Variants in MLIP observed in about 807,000 individuals in gnomAD.
The protein encoded by MLIP is muscular LMNA interacting protein.
A neutral mutation model predicts 84.8 loss-of-function variants in MLIP; 79 were observed. The ratio of observed to expected loss-of-function variants is 0.93; its 90% confidence interval spans 0.78 to 1.12. MLIP has a LOEUF of 1.12. MLIP is among the 50% of genes most tolerant of loss of function. The pLI is 0.00. For missense variants in MLIP, 1,257 were observed against 1,160.6 expected (o/e 1.08, Z -1.21); for synonymous variants, 504 against 463.0 (o/e 1.09, Z -1.14).
chr6:54,264,527 G>A (rs1170711291), intron 13 of MLIP, among the ~76,000 whole-genome samples: 1 of 152,070 alleles, frequency 6.6e-6, no homozygotes, highest in Non-Finnish European at 1.5e-5. Flanking sequence ...TCAAATGATC[G>A]TGAAGGTCTG....
chr6:54,211,393 G>T (rs1334286312), intron 11 of MLIP, among the ~76,000 whole-genome samples: 1 of 152,084 alleles, frequency 6.6e-6, no homozygotes, highest in African/African-American at 2.4e-5. Context: ...GCATGCGGTT[G>T]AAGACTGGCC....
chr6:54,048,796 G>A (rs1765217126), intron 1 of MLIP, among the ~76,000 whole-genome samples: 1 of 152,142 alleles, frequency 6.6e-6, no homozygotes, highest in African/African-American at 2.4e-5. Flanking sequence ...GTGATGGAAA[G>A]TGTAGAATGG....
intron 9 of MLIP, 55 bp from the exon 10 acceptor site, chr6:54,189,815 C>T (rs1777738388): frequency 7.7e-7 from 1 of 1,306,508 alleles, no homozygotes; most frequent in South Asian, 1.2e-5. Context: ...TAAACACATA[C>T]ATATTTTAAT....
At chr6:54,258,203 A>G (rs1051039837) in intron 13 of MLIP, among the ~76,000 whole-genome samples, 3 of 152,074 alleles carry the variant, frequency 2.0e-5, no homozygotes, top group Non-Finnish European at 4.4e-5. Flanking sequence ...TGCAGCCTCC[A>G]AGTTTAGGAA....
chr6:54,032,009 C>T (rs181168778), intron 1 of MLIP, among the ~76,000 whole-genome samples: 11 of 152,232 alleles, frequency 7.2e-5, no homozygotes, highest in Admixed American at 5.2e-4. Context: ...AGTCTCCCGT[C>T]ACTTAGCCAA....
intron 12 of MLIP, among the ~76,000 whole-genome samples, chr6:54,247,720 A>G (rs895495647): frequency 1.3e-5 from 2 of 152,114 alleles, no homozygotes; most frequent in African/African-American, 4.8e-5. Flanking sequence ...TCTGTTACCT[A>G]TAGACATACA....
chr6:54,026,332 T>C (rs1763802440), intron 1 of MLIP, among the ~76,000 whole-genome samples: 1 of 152,182 alleles, frequency 6.6e-6, no homozygotes, highest in East Asian at 1.9e-4. Context: ...AGGTGAAGTA[T>C]AGTAGTAAAT....
At chr6:54,050,995 C>A (rs185321775) in intron 1 of MLIP, among the ~76,000 whole-genome samples, 13 of 152,252 alleles carry the variant, frequency 8.5e-5, no homozygotes, top group African/African-American at 3.1e-4. Context: ...GTTTCCAATG[C>A]AGGCTTTTGA....
Position 54,229,079 on chromosome 6 carries a change from C to T in MLIP, c.2719-1635C>T, listed in dbSNP as rs1195863273. 2.6e-5 allele frequency among the ~76,000 whole-genome samples: 4 copies of T among 152,018 alleles called. No homozygotes were observed. In the East Asian group the frequency reaches 7.7e-4, roughly 29 times the overall value. The stretch of plus-strand genomic sequence containing the variant: ...AGAGGCATTAACCAATGAAATTAGA[C>T]AAATGGAAGAAATGAAAAGTATCAT... On this transcript the variant is annotated intron_variant, in intron 11 of 13. Transcript: ENST00000502396.
intron 1 of MLIP, among the ~76,000 whole-genome samples, chr6:54,038,111 C>T (rs1764546279): frequency 6.6e-6 from 1 of 151,810 alleles, no homozygotes; most frequent in Admixed American, 6.6e-5. Context: ...ATAAAAAGAT[C>T]CTGAGTAAGG....
chr6:54,094,177 T>G lies in MLIP; in HGVS notation c.64-27270T>G, dbSNP rs9474734. ...TTTTATTTAGCTACCAGCTTTGAAT[T>G]CTTTTATCTTATTGTAGAAGCCACT... On this transcript the variant is annotated intron_variant, in intron 1 of 12. Coordinates refer to the MLIP transcript ENST00000274897. 3.8e-3 allele frequency among the ~76,000 whole-genome samples: 581 copies of G among 152,262 alleles called. 7 individuals are homozygous for G. Among genetic ancestry groups the G allele is most frequent in the African/African-American group, 0.013 (533 of 41,554 alleles).
intron 1 of MLIP, among the ~76,000 whole-genome samples, chr6:54,027,390 C>T (rs1454406773): frequency 1.9e-5 from 2 of 105,508 alleles, no homozygotes; most frequent in South Asian, 7.3e-4. Context: ...CACACACACA[C>T]ACACACACAC....
chr6:54,048,914 C>G (rs919427727), intron 1 of MLIP, among the ~76,000 whole-genome samples: 1 of 152,088 alleles, frequency 6.6e-6, no homozygotes, highest in Non-Finnish European at 1.5e-5. Flanking sequence ...AATTAGGACT[C>G]AGTACTCAAG....
chr6:54,120,744 C>A (rs1770381014), intron 1 of MLIP, among the ~76,000 whole-genome samples: 1 of 152,036 alleles, frequency 6.6e-6, no homozygotes, highest in Non-Finnish European at 1.5e-5. Context: ...CAGGTACTAC[C>A]TATTATGAAG....
At chr6:54,169,984 C>T (rs1775609905) in intron 9 of MLIP, among the ~76,000 whole-genome samples, 1 of 151,634 alleles carries the variant, frequency 6.6e-6, no homozygotes, top group Non-Finnish European at 1.5e-5. Flanking sequence ...TTGTTGCTTT[C>T]CTTCATTTAA....
chr6:54,242,374 G>A (rs1004037493), intron 12 of MLIP, among the ~76,000 whole-genome samples: 3 of 152,096 alleles, frequency 2.0e-5, no homozygotes, highest in African/African-American at 7.2e-5. Context: ...ACGTTATTGA[G>A]AGCATGTAAA....
At chr6:54,031,993 A>G (rs1453672636) in intron 1 of MLIP, among the ~76,000 whole-genome samples, 1 of 152,192 alleles carries the variant, frequency 6.6e-6, no homozygotes, top group African/African-American at 2.4e-5. Context: ...ACAGGAGGAG[A>G]ATGGCAGTCT....
intron 12 of MLIP, among the ~76,000 whole-genome samples, chr6:54,244,285 G>A (rs1192366692): frequency 1.3e-5 from 2 of 152,220 alleles, no homozygotes; most frequent in East Asian, 1.9e-4. Context: ...AGATTAGATA[G>A]CTATCGAGAT....
Position 54,230,720 on chromosome 6 carries a change from A to G in MLIP, c.2725A>G (p.Thr909Ala), listed in dbSNP as rs1780933171. 1.2e-6 allele frequency: 2 copies of G among 1,613,772 alleles called. No individual in the cohort carries two copies. The highest frequency in any genetic ancestry group is 1.7e-6 in the Non-Finnish European group (2 of 1,179,906). Reference sequence around the variant, plus strand: ...CTTTCTTCTTCCCCACCAGGATGTAACAGTCCCTCCCAAGCCTGTCTCGCT... The same window carrying G: ...CTTTCTTCTTCCCCACCAGGATGTAGCAGTCCCTCCCAAGCCTGTCTCGCT... Reference protein sequence around the residue: ...NSDLFSEQDVTVPPKPVSLHP... With the variant: ...NSDLFSEQDVAVPPKPVSLHP... The change falls in exon 12 of 14, where the codon ACA becomes GCA. Residue 909 changes from threonine to alanine, a missense_variant. Transcript: ENST00000502396.
Sources: gnomAD v4.1 joint callset for allele counts (sites outside exome capture counted in the v4.1 genomes callset) on GRCh38, gnomAD v4.1.1 for gene constraint, MANE v1.5 for transcripts, NCBI Gene and HGNC (gene_info 2026-07-23, HGNC 2026-07-21) for gene names.